Variants in MAML1 observed in about 807,000 individuals in gnomAD.
MAML1 encodes mastermind-like protein 1.
MAML1 carries 14 observed loss-of-function variants against 77.1 expected under a neutral mutation model. That is an observed-to-expected ratio of 0.18 (90% CI 0.12 to 0.28). The LOEUF (loss-of-function observed/expected upper bound fraction) is 0.28. MAML1 is among the 10% of genes least tolerant of loss of function. The pLI is 1.00. For synonymous variants in MAML1, 516 were observed against 551.9 expected (o/e 0.93, Z 0.91); for missense variants, 1,217 against 1,327.8 (o/e 0.92, Z 1.30).
intron 1 of MAML1, among the ~76,000 whole-genome samples, chr5:179,749,191 G>T (rs917155817): frequency 3.3e-5 from 5 of 152,014 alleles, no homozygotes; most frequent in Admixed American, 6.6e-5. Context: ...GCAATGGCGC[G>T]ATCTCTGCTC....
Position 179,776,997 on chromosome 5 carries a change from C to T in MAML1, c.*2120C>T. Reference sequence around the variant, plus strand: ...TTTGCTTTGTGTAAATAAATGTTTACAATTTTATATGAAAGATGGAATAAG... The same window carrying T: ...TTTGCTTTGTGTAAATAAATGTTTATAATTTTATATGAAAGATGGAATAAG... On this transcript the variant is annotated 3_prime_UTR_variant, in exon 5 of 5. Transcript: ENST00000292599. 1.0e-6 allele frequency: 1 copy of T among 985,128 alleles called. No homozygotes were observed. The allele number at this position is 985,128 out of a possible 1,614,324, so 61.0% of individuals were successfully genotyped here. A position where few individuals can be genotyped will look rare whatever the true frequency, so the allele number is the denominator to read the frequency against.
chr5:179,748,124 C>G (rs1021436135), intron 1 of MAML1, among the ~76,000 whole-genome samples: 12 of 152,038 alleles, frequency 7.9e-5, no homozygotes, highest in African/African-American at 2.9e-4. Context: ...ACTCTGTCGC[C>G]CAGGCTGGAG....
intron 1 of MAML1, among the ~76,000 whole-genome samples, chr5:179,761,666 G>C (rs867234908): frequency 2.0e-5 from 3 of 152,304 alleles, no homozygotes; most frequent in Admixed American, 6.5e-5. Flanking sequence ...TTGCACTCCA[G>C]CCTGGGCAAC....
intron 1 of MAML1, among the ~76,000 whole-genome samples, chr5:179,756,948 A>G (rs1378235423): frequency 6.6e-6 from 1 of 152,054 alleles, no homozygotes; most frequent in East Asian, 1.9e-4. Flanking sequence ...CTGGGTTTAC[A>G]GTAAACCCAG....
intron 1 of MAML1, among the ~76,000 whole-genome samples, chr5:179,754,722 G>A (rs1562561499): frequency 6.6e-6 from 1 of 152,196 alleles, no homozygotes; most frequent in Non-Finnish European, 1.5e-5. Flanking sequence ...CACGCTTAGA[G>A]TTTCTGACTC....
In MAML1 at chr5:179,761,517, G is replaced by A. The variant is rs528985763; in HGVS notation, c.316-3809G>A. ...TTTGAGACCAGCTGGCCAACATGGC[G>A]AAACCCCATCTCTACTAAAAATACA... On this transcript the variant is annotated intron_variant, in intron 1 of 4. Transcript: ENST00000292599. Among the ~76,000 whole-genome samples the A allele has an allele frequency of 8.9e-4, 136 of 152,224 alleles. 2 individuals are homozygous for A. The highest frequency in any genetic ancestry group is 3.7e-3 in the South Asian group (18 of 4,820).
Position 179,773,915 on chromosome 5 carries a change from G to A in MAML1, c.2089G>A (p.Gly697Ser), listed in dbSNP as rs763195565. ...QFTGSSAAVPGMNTLGPSNSS... is the reference protein window; with the variant it reads ...QFTGSSAAVPSMNTLGPSNSS... ...TGTAGGGTCCTCTGCTGCCGTGCCCGGCATGAACACCTTGGGTCCATCCAA... is the reference window on the plus strand; with the variant it reads ...TGTAGGGTCCTCTGCTGCCGTGCCCAGCATGAACACCTTGGGTCCATCCAA... The change falls in exon 5 of 5, where the codon GGC becomes AGC. Residue 697 changes from glycine (G) to serine (S), a missense_variant. Physicochemically the swap from Gly to Ser is moderately conservative, Grantham distance 56 (BLOSUM62 0). Transcript: ENST00000292599. 16 of 1,613,270 alleles carry A rather than the reference G, an allele frequency of 9.9e-6. 1 individual carries two copies. Among genetic ancestry groups the A allele is most frequent in the South Asian group, 7.7e-5 (7 of 91,082 alleles).
chr5:179,772,294 T>C (rs890470347), intron 4 of MAML1, among the ~76,000 whole-genome samples: 5 of 152,166 alleles, frequency 3.3e-5, no homozygotes, highest in Non-Finnish European at 7.3e-5. Context: ...CATTTTTGTA[T>C]TTTTAGTAGA....
chr5:179,765,978 G>A lies in MAML1; in HGVS notation c.968G>A (p.Gly323Glu), dbSNP rs768670271. Reference sequence around the variant, plus strand: ...CCACAAGTGAGGGCCGGGTCTGCAGGGCAGACCTTTCTGGGGCCTTCCTCT... The same window carrying A: ...CCACAAGTGAGGGCCGGGTCTGCAGAGCAGACCTTTCTGGGGCCTTCCTCT... ...GSPQVRAGSAGQTFLGPSSAP... is the reference protein window; with the variant it reads ...GSPQVRAGSAEQTFLGPSSAP... Residue 323 changes from glycine (G) to glutamate (E), a missense_variant, in exon 2 of 5, where the codon GGG (glycine) becomes GAG (glutamate). Gly to Glu is a moderately conservative substitution (Grantham distance 98, BLOSUM62 -2). This residue lies in a region of MAML1 where 884 missense variants were observed against 949.3 expected (regional missense o/e 0.93). Coordinates refer to ENST00000292599, the MANE Select transcript of MAML1 (RefSeq NM_014757.5). 1 of 1,612,316 alleles carries A rather than the reference G, an allele frequency of 6.2e-7. No homozygotes were observed. The highest frequency in any genetic ancestry group is 1.3e-5 in the African/African-American group (1 of 74,858).
intron 1 of MAML1, among the ~76,000 whole-genome samples, chr5:179,743,033 G>C (rs1779311731): frequency 6.9e-6 from 1 of 145,838 alleles, no homozygotes; most frequent in Non-Finnish European, 1.5e-5. Flanking sequence ...GAAATACTGT[G>C]AACCCCTTCA....
chr5:179,762,479 G>A (rs544156635), intron 1 of MAML1, among the ~76,000 whole-genome samples: 2 of 152,092 alleles, frequency 1.3e-5, no homozygotes, highest in Non-Finnish European at 2.9e-5. Flanking sequence ...TTCTCCAGCC[G>A]ACCACGAGCA....
rs1490064170 is a variant in MAML1, at chr5:179,766,829, T to C, written c.1731+88T>C. The C allele has an allele frequency of 2.6e-6, 3 of 1,132,106 alleles. No homozygotes were observed. The East Asian group carries it at 7.8e-5, about 29-fold the overall frequency. 70.1% of individuals were successfully genotyped at this position (1,132,106 alleles called of 1,614,324 possible). On this transcript the variant is annotated intron_variant, in intron 2 of 4. Coordinates refer to ENST00000292599, the MANE Select transcript of MAML1 (RefSeq NM_014757.5). This position sits in a 1 kb window ranked among gnomAD's most constrained non-coding sequence, Gnocchi z 4.0. ...CTTTGGATGTTAATTGGATCCGAGG[T>C]AGTTGTGGGAAGAGGGAGGAGGGAA...
chr5:179,763,341 A>G (rs73342174), intron 1 of MAML1, among the ~76,000 whole-genome samples: 2,192 of 152,298 alleles, frequency 0.014, 68 homozygotes, highest in African/African-American at 0.051. Flanking sequence ...AGGAGAAAGC[A>G]GAAGAACCTG....
In MAML1 at chr5:179,769,672, C is replaced by A. The variant is rs542453671; in HGVS notation, c.1971+583C>A. ...GGTTCATGCAATTCTCCTGCCTCAG[C>A]CTCCCGAGTAGCTGGGACTACAGGC... On this transcript the variant is annotated intron_variant, in intron 3 of 4. Transcript: ENST00000292599. The surrounding 1 kb of genome is among the most constrained non-coding windows in gnomAD (Gnocchi z 4.2). Among the ~76,000 whole-genome samples the A allele has an allele frequency of 2.0e-5, 3 of 152,078 alleles. No homozygotes were observed. The highest frequency in any genetic ancestry group is 4.4e-5 in the Non-Finnish European group (3 of 68,016).
chr5:179,745,185 G>A (rs1050604582), intron 1 of MAML1, among the ~76,000 whole-genome samples: 7 of 152,072 alleles, frequency 4.6e-5, no homozygotes, highest in African/African-American at 9.6e-5. Flanking sequence ...GATTACAGGC[G>A]TGAGCCACCG....
At chr5:179,768,779 A>G in intron 2 of MAML1, 71 bp from the exon 3 acceptor site, 1 of 1,561,660 alleles carries the variant, frequency 6.4e-7, no homozygotes, top group African/African-American at 1.4e-5. Context: ...TGAACCTTGA[A>G]TTCACTGGAT....
chr5:179,747,740 G>A (rs1779407867), intron 1 of MAML1, among the ~76,000 whole-genome samples: 3 of 146,898 alleles, frequency 2.0e-5, no homozygotes, highest in Admixed American at 6.9e-5. Flanking sequence ...AACCCCGGGA[G>A]GCGGAGCCTG....
intron 1 of MAML1, among the ~76,000 whole-genome samples, chr5:179,741,944 C>T (rs918555728): frequency 3.3e-5 from 5 of 151,812 alleles, no homozygotes; most frequent in Non-Finnish European, 7.4e-5. Context: ...TGTCGCCAGG[C>T]TGGAGTGCAG....
Position 179,776,915 on chromosome 5 carries a change from C to G in MAML1, c.*2038C>G. The G allele has an allele frequency of 1.0e-6, 1 of 985,892 alleles. No homozygotes were observed. Among genetic ancestry groups the G allele is most frequent in the Non-Finnish European group, 1.2e-6 (1 of 829,946 alleles). The allele number at this position is 985,892 out of a possible 1,614,324, so 61.1% of individuals were successfully genotyped here. A position where few individuals can be genotyped will look rare whatever the true frequency, so the allele number is the denominator to read the frequency against. ...ATGACTTTGCTTCTGTGCACAGCCC[C>G]GTCTTCCAGGAGCCACAACTCAGAA... is the stretch of plus-strand genomic sequence containing the variant. On this transcript the variant is annotated 3_prime_UTR_variant, in exon 5 of 5. Coordinates refer to ENST00000292599, the MANE Select transcript of MAML1 (RefSeq NM_014757.5).
Sources: gnomAD v4.1 joint callset for allele counts (sites outside exome capture counted in the v4.1 genomes callset) on GRCh38, gnomAD v4.1.1 for gene constraint, gnomAD v4.1.1 regional missense constraint, Gnocchi (gnomAD v3.1) non-coding constraint, MANE v1.5 for transcripts, NCBI Gene and HGNC (gene_info 2026-07-23, HGNC 2026-07-21) for gene names.